Variants in NUP133 observed in about 807,000 individuals in gnomAD.
The protein encoded by NUP133 is nucleoporin 133.
NUP133 carries 66 observed loss-of-function variants against 146.2 expected under a neutral mutation model. The ratio of observed to expected loss-of-function variants is 0.45; its 90% CI spans 0.37 to 0.55. NUP133 has a LOEUF of 0.55. NUP133 is among the 20% of genes least tolerant of loss of function. The pLI is 0.00. For synonymous variants in NUP133, 521 were observed against 498.8 expected, an observed-to-expected ratio of 1.04 and a Z score of -0.59; for missense variants, 1,277 against 1,374.8, an observed-to-expected ratio of 0.93 and a Z score of 1.12.
intron 25 of NUP133, among the ~76,000 whole-genome samples, chr1:229,444,437 T>C (rs530853257): frequency 5.0e-4 from 76 of 152,308 alleles, no homozygotes; most frequent in African/African-American, 1.8e-3. Flanking sequence ...TAACAAAAAC[T>C]GCAAAGCTGC....
chr1:229,463,950 C>G (rs12067093), intron 18 of NUP133, among the ~76,000 whole-genome samples: 1 of 151,796 alleles, frequency 6.6e-6, no homozygotes, highest in South Asian at 2.1e-4. Context: ...GTTCGAGTCC[C>G]GCCAGGCCAA....
chr1:229,454,050 A>G (rs1026216156), intron 21 of NUP133, among the ~76,000 whole-genome samples: 5 of 152,188 alleles, frequency 3.3e-5, no homozygotes, highest in Admixed American at 3.3e-4. Flanking sequence ...ATGCAGTTCA[A>G]GCTCATGTTG....
At chr1:229,506,235 C>T (rs1311174043) in intron 1 of NUP133, 77 bp from the exon 2 acceptor site, 16 of 741,646 alleles carry the variant, frequency 2.2e-5, no homozygotes, top group Non-Finnish European at 3.5e-5. Flanking sequence ...TATATATTTT[C>T]ACAGTAAGGA....
intron 13 of NUP133, 96 bp from the exon 14 acceptor site, chr1:229,475,828 G>A: frequency 1.0e-6 from 1 of 1,001,934 alleles, no homozygotes; most frequent in South Asian, 1.4e-5. Flanking sequence ...AAAAAGCTAA[G>A]GCTAGGCACG....
In NUP133 at chr1:229,458,265, A is replaced by G. The variant is rs774003419; in HGVS notation, c.2876T>C (p.Met959Thr). The change falls in exon 21 of 26, where the codon ATG (methionine) becomes ACG (threonine). Residue 959 changes from methionine (M) to threonine (T), a missense_variant. Coordinates refer to ENST00000261396, the MANE Select transcript of NUP133 (RefSeq NM_018230.3). ...AHATLLGLAN[M>T]ETRYFAKKKT... ...CTTCTTTGCAAAGTAACGAGTTTCC[A>G]TATTTGCCAAACCCAGAAGTGTTGC... 20 of 1,613,528 alleles carry G rather than the reference A, an allele frequency of 1.2e-5. No individual in the cohort carries two copies. Among genetic ancestry groups the G allele is most frequent in the Admixed American group, 1.7e-5 (1 of 59,984 alleles).
chr1:229,486,660 T>C (rs1248911464), intron 10 of NUP133, 132 bp from the exon 11 acceptor site: 14 of 746,854 alleles, frequency 1.9e-5, no homozygotes, highest in Non-Finnish European at 3.0e-5. Flanking sequence ...ACATTAGTCC[T>C]ACTTCGAACT....
chr1:229,485,090 G>A (rs901122966), intron 11 of NUP133, among the ~76,000 whole-genome samples: 1 of 152,078 alleles, frequency 6.6e-6, no homozygotes, highest in Non-Finnish European at 1.5e-5. Flanking sequence ...GATATTTCAG[G>A]TTTCAAGACA....
rs753255647 is a variant in NUP133, at chr1:229,508,080, G to C, written c.170C>G (p.Ser57Trp). The C allele has an allele frequency of 1.9e-5, 28 of 1,499,178 alleles. 2 individuals are homozygous for C. In the South Asian group the frequency reaches 3.6e-4, roughly 19 times the overall value. 92.9% of individuals were successfully genotyped at this position (1,499,178 alleles called of 1,614,324 possible). A position where few individuals can be genotyped will look rare whatever the true frequency, so the allele number is the denominator to read the frequency against. Reference protein sequence around the residue: ...VLFSPVGRRSSLSSRGTPTRM... With the variant: ...VLFSPVGRRSWLSSRGTPTRM... ...GGAGATCACTTACCGCGAGCTTAGC[G>C]AGCTACGCCGGCCGACCGGCGAGAA... The change falls in exon 1 of 26, where the codon TCG (serine) becomes TGG (tryptophan). Residue 57 changes from serine to tryptophan, a missense_variant. This residue lies in a region of NUP133 where 319 missense variants were observed against 306.9 expected (regional missense o/e 1.04). Transcript: ENST00000261396.
At chr1:229,502,591 A>G (rs2102786931) in intron 2 of NUP133, among the ~76,000 whole-genome samples, 1 of 151,756 alleles carries the variant, frequency 6.6e-6, no homozygotes, top group African/African-American at 2.4e-5. Flanking sequence ...GAAAGAAAAA[A>G]GAAATATATC....
chr1:229,499,715 T>A lies in NUP133; in HGVS notation c.617A>T (p.Asp206Val), dbSNP rs533239445. The A allele has an allele frequency of 5.0e-6, 8 of 1,614,008 alleles. No individual in the cohort carries two copies. The highest frequency in any genetic ancestry group is 6.8e-6 in the Non-Finnish European group (8 of 1,179,974). The change falls in exon 5 of 26, where the codon GAT becomes GTT. Residue 206 changes from aspartate to valine, a missense_variant. Transcript: ENST00000261396. ...YTEAFVDSGG[D>V]KTYSFLTAVQ... ...TGCTGTTAGGAAACTGTAAGTCTTA[T>A]CACCTCCCGAATCTACAAAAGCCTC...
At chr1:229,449,873 A>ATTTT (rs71281043) in intron 23 of NUP133, among the ~76,000 whole-genome samples, 32 of 85,802 alleles carry the variant, frequency 3.7e-4, no homozygotes, top group African/African-American at 7.7e-4. Flanking sequence ...ATATATATAT[A>ATTTT]TTTTTTTTTT....
chr1:229,452,606 C>T lies in NUP133; in HGVS notation c.3018G>A (p.Glu1006=). The T allele has an allele frequency of 6.2e-7, 1 of 1,613,440 alleles. No homozygotes were observed. The highest frequency in any genetic ancestry group is 1.3e-5 in the African/African-American group (1 of 75,026). ...AEQERFLLHQ[E]TLPEQLLAEK... is the part of the protein sequence containing the mutation. ...CCGCCAGCAGCTGTTCAGGTAGGGT[C>T]TCCTGATGCAGTAGAAAGCGCTCCT... The change falls in exon 22 of 26, where the codon GAG becomes GAA. Residue 1006 remains glutamate (E), a synonymous_variant. Coordinates refer to ENST00000261396, the MANE Select transcript of NUP133 (RefSeq NM_018230.3).
At chr1:229,468,104 A>G (rs1660865403) in intron 15 of NUP133, among the ~76,000 whole-genome samples, 1 of 152,138 alleles carries the variant, frequency 6.6e-6, no homozygotes, top group African/African-American at 2.4e-5. Context: ...GCTTTTCCAG[A>G]GCCCTGGGAG....
rs554328951 is a variant in NUP133 at position 229,503,688 on chromosome 1, A to G, written c.302-1586T>C. On this transcript the variant is annotated intron_variant, in intron 2 of 25. Transcript: ENST00000261396. ...CTGAGTGAGGCTTTTTGCTCAACTG[A>G]ACTATCTGCTCAGTAATTTTCTTTT... Among the ~76,000 whole-genome samples, 464 of 152,340 alleles carry G rather than the reference A, an allele frequency of 3.0e-3. 2 individuals carry two copies. The highest frequency in any genetic ancestry group is 0.011 in the African/African-American group (452 of 41,570).
intron 8 of NUP133, among the ~76,000 whole-genome samples, chr1:229,491,851 A>G (rs1661524366): frequency 6.6e-6 from 1 of 152,220 alleles, no homozygotes; most frequent in Non-Finnish European, 1.5e-5. Context: ...AGGCTGAAGC[A>G]GGAGGATCGC....
chr1:229,475,594 A>C, intron 14 of NUP133, 44 bp downstream of exon 14: 1 of 1,416,068 alleles, frequency 7.1e-7, no homozygotes, highest in South Asian at 1.2e-5. Flanking sequence ...TGTTGGAGAG[A>C]CTGCCAAAGG....
chr1:229,492,108 T>C (rs755110146), intron 8 of NUP133, among the ~76,000 whole-genome samples: 22 of 139,184 alleles, frequency 1.6e-4, no homozygotes, highest in Non-Finnish European at 2.5e-4. Flanking sequence ...ACTAGCAACA[T>C]TTTTTTTTTT....
intron 24 of NUP133, among the ~76,000 whole-genome samples, chr1:229,446,954 G>C (rs1002410929): frequency 6.6e-6 from 1 of 151,878 alleles, no homozygotes; most frequent in East Asian, 1.9e-4. Flanking sequence ...AAGAAACCCT[G>C]TCTCTACTAA....
chr1:229,506,223 T>C lies in NUP133; in HGVS notation c.183-65A>G, dbSNP rs1372099641. 4.5e-6 allele frequency: 4 copies of C among 891,036 alleles called. No homozygotes were observed. In the East Asian group the frequency reaches 1.0e-4, roughly 22 times the overall value. 55.2% of individuals were successfully genotyped at this position (891,036 alleles called of 1,614,324 possible). On this transcript the variant is annotated intron_variant, in intron 1 of 25. Coordinates refer to ENST00000261396, the MANE Select transcript of NUP133 (RefSeq NM_018230.3). ...AATTCTCCATTATCCTAATTTTTTATGTATATATTTTCACAGTAAGGAGTT... is the reference window on the plus strand; with the variant it reads ...AATTCTCCATTATCCTAATTTTTTACGTATATATTTTCACAGTAAGGAGTT...
Sources: gnomAD v4.1 joint callset for allele counts (sites outside exome capture counted in the v4.1 genomes callset) on GRCh38, gnomAD v4.1.1 for gene constraint, gnomAD v4.1.1 regional missense constraint, MANE v1.5 for transcripts, NCBI Gene and HGNC (gene_info 2026-07-23, HGNC 2026-07-21) for gene names.